Variants in NELFA observed in about 807,000 individuals in gnomAD.
NELFA encodes the protein negative elongation factor complex member A, also known as negative elongation factor A.
Under a neutral mutation model 51.8 loss-of-function variants are expected in NELFA, and 35 were observed. That is an observed-to-expected ratio of 0.68 (90% confidence interval 0.52 to 0.90). The LOEUF is 0.90. Ranked by LOEUF, NELFA falls within the 40% of genes least tolerant of loss-of-function variation. The pLI, the probability that NELFA is intolerant of heterozygous loss-of-function variation, is 0.00. For synonymous variants in NELFA, 417 were observed against 338.4 expected (o/e 1.23, Z -2.55); for missense variants, 658 against 746.4 (o/e 0.88, Z 1.38).
chr4:1,985,021 C>G (rs1352208136), intron 7 of NELFA, 102 bp from the exon 8 acceptor site: 1 of 832,836 alleles, frequency 1.2e-6, no homozygotes. Flanking sequence ...GCTGTGGCCC[C>G]CCGAGCTAGA....
At chr4:2,007,027 G>A in intron 1 of NELFA, 1 of 223,940 alleles carries the variant, frequency 4.5e-6, no homozygotes, top group Non-Finnish European at 9.8e-6. Context: ...GGAGGCTGAG[G>A]CAAGCAGATT....
At chr4:1,986,937 G>A (rs1312217968) in intron 4 of NELFA, among the ~76,000 whole-genome samples, 7 of 152,128 alleles carry the variant, frequency 4.6e-5, no homozygotes, top group Non-Finnish European at 7.4e-5. Flanking sequence ...ACTGCTCAAC[G>A]GCTGGCCCAC....
Position 1,991,593 on chromosome 4 carries a change from C to T in NELFA, c.333G>A (p.Glu111=). 1 of 1,614,094 alleles carries T rather than the reference C, an allele frequency of 6.2e-7. No individual in the cohort carries two copies. Among genetic ancestry groups the T allele is most frequent in the Non-Finnish European group, 8.5e-7 (1 of 1,180,026 alleles). ...PDTGSLNLEL[E]EQNPNVQDIL... The stretch of plus-strand genomic sequence containing the variant: ...TATCCTGAACGTTGGGATTCTGCTC[C>T]TCCAGCTCCAGGTTAAGCGAGCCTG... Residue 111 remains glutamate (E), a synonymous_variant, in exon 2 of 11, where the codon GAG becomes GAA. Transcript: ENST00000382882.
chr4:1,986,893 T>C (rs1029274509), intron 4 of NELFA, among the ~76,000 whole-genome samples: 1 of 152,056 alleles, frequency 6.6e-6, no homozygotes, highest in Non-Finnish European at 1.5e-5. Flanking sequence ...GCCCGGGGGA[T>C]GGTGCCATCA....
At chr4:1,991,430 C>A in intron 2 of NELFA, 114 bp downstream of exon 2, 2 of 1,082,534 alleles carry the variant, frequency 1.8e-6, no homozygotes, top group Non-Finnish European at 2.7e-6. Context: ...ATTCTAGGGA[C>A]CAGGACACAC....
chr4:1,986,386 G>T lies in NELFA; in HGVS notation c.651C>A (p.Ile217=). The change falls in exon 5 of 11, where the codon ATC becomes ATA. Residue 217 remains isoleucine, a synonymous_variant. Transcript: ENST00000382882. ...GGCTTCTGAAGGGCGCCTGCTTCGG[G>T]ATGCCTTTGAGTGGGGCTGGAGGAC... ...KMDTTTPLKG[I]PKQAPFRSPT... is the part of the protein sequence containing the mutation. 1 of 1,612,170 alleles carries T rather than the reference G, an allele frequency of 6.2e-7. No individual in the cohort carries two copies. The highest frequency in any genetic ancestry group is 8.5e-7 in the Non-Finnish European group (1 of 1,179,396).
chr4:2,008,927 C>G lies in NELFA; in HGVS notation c.33G>C (p.Leu11=). Residue 11 remains leucine, a synonymous_variant, in exon 1 of 11, where the codon CTG becomes CTC. Transcript: ENST00000382882. The part of the protein sequence containing the change: MASMRESDTG[L]WLHNKLGATD... ...TGGCCCCCAGCTTGTTGTGCAGCCACAGGCCCGTGTCGCTCTCCCGCATGG... is the reference window on the plus strand; with the variant it reads ...TGGCCCCCAGCTTGTTGTGCAGCCAGAGGCCCGTGTCGCTCTCCCGCATGG... 1 of 1,572,474 alleles carries G rather than the reference C, an allele frequency of 6.4e-7. No homozygotes were observed. Among genetic ancestry groups the G allele is most frequent in the Non-Finnish European group, 8.6e-7 (1 of 1,159,190 alleles).
At chr4:2,003,212 A>C (rs1303049516) in intron 1 of NELFA, among the ~76,000 whole-genome samples, 1 of 152,186 alleles carries the variant, frequency 6.6e-6, no homozygotes, top group African/African-American at 2.4e-5. Context: ...GGTGATTACT[A>C]AAAAGTCAGG....
At chr4:1,999,928 C>G (rs1047880167) in intron 1 of NELFA, among the ~76,000 whole-genome samples, 7 of 152,178 alleles carry the variant, frequency 4.6e-5, no homozygotes, top group Non-Finnish European at 7.3e-5. Flanking sequence ...ATAACAGTCT[C>G]TCAGACCACA....
chr4:2,001,657 C>T (rs1351165524), intron 1 of NELFA, among the ~76,000 whole-genome samples: 1 of 152,184 alleles, frequency 6.6e-6, no homozygotes, highest in Non-Finnish European at 1.5e-5. Flanking sequence ...AATCCCAGCA[C>T]TTTGGGAGGC....
chr4:1,993,961 G>C lies in NELFA; in HGVS notation c.211-2246C>G, dbSNP rs370014136. ...GAATCCAGGCGCCACCACCACGCCC[G>C]GCCCAGGCCTACCTTGTAAGGTCTG... On this transcript the variant is annotated intron_variant, in intron 1 of 10. Coordinates refer to ENST00000382882, the MANE Select transcript of NELFA (RefSeq NM_005663.5). 5.9e-5 allele frequency among the ~76,000 whole-genome samples: 9 copies of C among 152,270 alleles called. No homozygotes were observed. The East Asian group carries it at 1.2e-3, about 20-fold the overall frequency.
chr4:1,994,808 T>C (rs1728378136), intron 1 of NELFA, among the ~76,000 whole-genome samples: 1 of 148,730 alleles, frequency 6.7e-6, no homozygotes, highest in African/African-American at 2.5e-5. Flanking sequence ...TGAGCCGAGA[T>C]TGCGTGCCCC....
chr4:1,988,104 G>C, intron 3 of NELFA, 97 bp from the exon 4 acceptor site: 3 of 1,061,730 alleles, frequency 2.8e-6, no homozygotes, highest in Non-Finnish European at 4.1e-6. Context: ...CCGACGGCCT[G>C]AGCCGTGAAC....
chr4:1,992,692 G>A (rs1728308963), intron 1 of NELFA: 2 of 194,690 alleles, frequency 1.0e-5, no homozygotes, highest in Non-Finnish European at 2.2e-5. Flanking sequence ...ACGTCCCCGC[G>A]AGCGCCGCCT....
chr4:1,990,234 T>C (rs1421843665), intron 2 of NELFA, among the ~76,000 whole-genome samples: 1 of 152,062 alleles, frequency 6.6e-6, no homozygotes, highest in African/African-American at 2.4e-5. Flanking sequence ...GGACCCCCGA[T>C]CTGTGGCTTC....
chr4:2,002,928 T>C (rs1360545885), intron 1 of NELFA, among the ~76,000 whole-genome samples: 1 of 152,084 alleles, frequency 6.6e-6, no homozygotes, highest in Non-Finnish European at 1.5e-5. Context: ...AAAGAAACTA[T>C]CATCAGAGTG....
intron 10 of NELFA, 37 bp from the exon 11 acceptor site, chr4:1,983,540 G>A: frequency 6.2e-7 from 1 of 1,612,286 alleles, no homozygotes; most frequent in Non-Finnish European, 8.5e-7. Context: ...GGTGTCTGGG[G>A]GCACCCGCCC....
At position 1,985,852 on chromosome 4, in the gene NELFA, A is replaced by G. The variant is rs367918512; in HGVS notation, c.848T>C (p.Val283Ala). ...CGTTTCCTCCTTGGCCGGCTTCTCC[A>G]CCACCTCCGCATCTGTGGACAAAAC... Reference protein sequence around the residue: ...RRRKTLDAEVVEKPAKEETVV... With the variant: ...RRRKTLDAEVAEKPAKEETVV... The change falls in exon 7 of 11, where the codon GTG (valine) becomes GCG (alanine). Residue 283 changes from valine (V) to alanine (A), a missense_variant. Around this residue, in one of 3 missense-constraint regions of NELFA, gnomAD observed 371 missense variants for 448.3 expected, o/e 0.83. Transcript: ENST00000382882. The G allele has an allele frequency of 6.2e-7, 1 of 1,612,854 alleles. No individual in the cohort carries two copies. The highest frequency in any genetic ancestry group is 8.5e-7 in the Non-Finnish European group (1 of 1,179,578).
In NELFA at chr4:1,989,434, C is replaced by A. The variant is rs964037427; in HGVS notation, c.544+274G>T. 6.6e-6 allele frequency among the ~76,000 whole-genome samples: 1 copy of A among 152,076 alleles called. No homozygotes were observed. Among genetic ancestry groups the A allele is most frequent in the Non-Finnish European group, 1.5e-5 (1 of 68,028 alleles). ...CCTCAACCTCGTGGGCTCAGGTGAT[C>A]CTCCTACCTCAGCCTTCCGAGTAGC... On this transcript the variant is annotated intron_variant, in intron 3 of 10. Coordinates refer to ENST00000382882, the MANE Select transcript of NELFA (RefSeq NM_005663.5). This position sits in a 1 kb window ranked among gnomAD's most constrained non-coding sequence, Gnocchi z 4.8.
Sources: gnomAD v4.1 joint callset for allele counts (sites outside exome capture counted in the v4.1 genomes callset) on GRCh38, gnomAD v4.1.1 for gene constraint, gnomAD v4.1.1 regional missense constraint, Gnocchi (gnomAD v3.1) non-coding constraint, MANE v1.5 for transcripts, NCBI Gene and HGNC (gene_info 2026-07-23, HGNC 2026-07-21) for gene names.